RASEF: variants seen among roughly 807,000 people sequenced by gnomAD.
RASEF encodes RAS and EF-hand domain containing.
A neutral mutation model predicts 90.1 loss-of-function variants in RASEF; 68 were observed. The observed-to-expected ratio is 0.75, with a 90% CI of 0.62 to 0.92. The LOEUF is 0.92. Ranked by LOEUF, RASEF falls within the 40% of genes least tolerant of loss-of-function variation. The pLI is 0.00. For missense variants in RASEF, 949 were observed against 937.2 expected (o/e 1.01, Z -0.16); for synonymous variants, 331 against 345.2 (o/e 0.96, Z 0.46).
At chr9:83,135,876 C>T in the RASEF span, among the ~76,000 whole-genome samples, 1 of 152,086 alleles carries the variant, frequency 6.6e-6, no homozygotes, top group African/African-American at 2.4e-5. Context: ...TTAAAACTGC[C>T]TTCCCATTCT....
chr9:83,173,933 C>T, the RASEF span, among the ~76,000 whole-genome samples: 1 of 151,682 alleles, frequency 6.6e-6, no homozygotes, highest in Non-Finnish European at 1.5e-5. Context: ...GATAGTTGTT[C>T]AATTTGATGT....
At chr9:83,080,226 G>C in the RASEF span, among the ~76,000 whole-genome samples, 1 of 152,230 alleles carries the variant, frequency 6.6e-6, no homozygotes, top group Non-Finnish European at 1.5e-5. Flanking sequence ...CAGGAGGAAA[G>C]TGATAGAAAT....
chr9:83,182,142 C>T, the RASEF span, among the ~76,000 whole-genome samples: 1 of 152,186 alleles, frequency 6.6e-6, no homozygotes, highest in African/African-American at 2.4e-5. Context: ...AAACATTTGG[C>T]CTCATCTGCA....
At chr9:82,991,895 C>T (rs1396732891) in intron 15 of RASEF, among the ~76,000 whole-genome samples, 2 of 152,220 alleles carry the variant, frequency 1.3e-5, no homozygotes, top group African/African-American at 4.8e-5. Flanking sequence ...TAACATCTGT[C>T]TCCCTCAGAC....
At chr9:83,062,391 G>A (rs539851074) in intron 1 of RASEF, 46 bp downstream of exon 1, 4 of 1,591,590 alleles carry the variant, frequency 2.5e-6, no homozygotes, top group African/African-American at 2.7e-5. Context: ...GAAGAAGCAA[G>A]CAGGAAGCGC....
chr9:83,044,072 C>T (rs557214846), intron 1 of RASEF, among the ~76,000 whole-genome samples: 1 of 152,264 alleles, frequency 6.6e-6, no homozygotes, highest in South Asian at 2.1e-4. Context: ...TAACTTCCAA[C>T]TCGGGGACAA....
intron 2 of RASEF, among the ~76,000 whole-genome samples, chr9:83,022,746 A>AGGTTGGTGTACACCCAGC: frequency 1.3e-5 from 2 of 152,202 alleles, no homozygotes; most frequent in African/African-American, 4.8e-5. Flanking sequence ...GGTAAAGCCT[A>AGGTTGGTGTACACCCAGC]CTTCACACCT....
intron 1 of RASEF, among the ~76,000 whole-genome samples, chr9:83,037,656 T>C (rs1829767411): frequency 6.6e-6 from 1 of 152,076 alleles, no homozygotes; most frequent in African/African-American, 2.4e-5. Flanking sequence ...GCAATAGTCA[T>C]TTTCTCTCAT....
the RASEF span, among the ~76,000 whole-genome samples, chr9:83,170,782 T>C: frequency 6.6e-6 from 1 of 152,096 alleles, no homozygotes; most frequent in African/African-American, 2.4e-5. Context: ...AGCCTCCAAC[T>C]TTACTGGATT....
At chr9:83,015,622 G>A (rs1243263708) in intron 4 of RASEF, among the ~76,000 whole-genome samples, 183 bp downstream of exon 4, 1 of 152,242 alleles carries the variant, frequency 6.6e-6, no homozygotes, top group African/African-American at 2.4e-5. Context: ...GGAGGTTGCA[G>A]TGAGCCAAGA....
At chr9:83,017,159 C>G (rs1198275245) in intron 3 of RASEF, among the ~76,000 whole-genome samples, 2 of 151,948 alleles carry the variant, frequency 1.3e-5, no homozygotes, top group Non-Finnish European at 2.9e-5. Flanking sequence ...TCCACAGCCA[C>G]AAAACCAAAC....
At chr9:83,131,450 C>T in the RASEF span, among the ~76,000 whole-genome samples, 1 of 152,150 alleles carries the variant, frequency 6.6e-6, no homozygotes, top group South Asian at 2.1e-4. Context: ...GGATTTTCAA[C>T]ATATGAAAGC....
In RASEF at chr9:83,008,059, G is replaced by A. The variant is rs575793076; in HGVS notation, c.960-554C>T. On this transcript the variant is annotated intron_variant, in intron 6 of 16. Coordinates refer to ENST00000376447, the MANE Select transcript of RASEF (RefSeq NM_152573.4). The stretch of plus-strand genomic sequence containing the variant: ...CCAAAGAACCAGGCTTGCTAAGCTC[G>A]TGAGACACTCATTCTGTGGCAATCC... Among the ~76,000 whole-genome samples the A allele has an allele frequency of 3.3e-5, 5 of 151,828 alleles. 1 individual carries two copies. The highest frequency in any genetic ancestry group is 4.8e-5 in the African/African-American group (2 of 41,428).
the RASEF span, among the ~76,000 whole-genome samples, chr9:83,215,489 C>T: frequency 6.6e-6 from 1 of 152,204 alleles, no homozygotes; most frequent in South Asian, 2.1e-4. Context: ...TGGCTCCTGC[C>T]TGTCTGCGTG....
rs565702004 is a variant in RASEF at position 82,987,460 on chromosome 9, C to A, written c.2117+2931G>T. ...CTGAAATAACCTAGTTATCAAAATT[C>A]TTTTGCAAACCAGGTGTTTTAAGTA... On this transcript the variant is annotated intron_variant, in intron 16 of 16. Coordinates refer to ENST00000376447, the MANE Select transcript of RASEF (RefSeq NM_152573.4). 3.9e-5 allele frequency among the ~76,000 whole-genome samples: 6 copies of A among 152,250 alleles called. No individual in the cohort carries two copies. The South Asian group carries it at 1.2e-3, about 32-fold the overall frequency.
chr9:83,089,356 T>A, the RASEF span, among the ~76,000 whole-genome samples: 25 of 152,138 alleles, frequency 1.6e-4, no homozygotes, highest in African/African-American at 5.8e-4. Context: ...TATATTTACC[T>A]ATGTAGTTAC....
At chr9:83,011,286 G>A (rs1829237976) in intron 5 of RASEF, among the ~76,000 whole-genome samples, 1 of 152,122 alleles carries the variant, frequency 6.6e-6, no homozygotes, top group Admixed American at 6.5e-5. Flanking sequence ...CAGGTGCGGT[G>A]GCTCACGCCT....
At chr9:83,192,753 G>GAAA in the RASEF span, among the ~76,000 whole-genome samples, 2 of 118,420 alleles carry the variant, frequency 1.7e-5, no homozygotes. Flanking sequence ...ACCTTCACCA[G>GAAA]AAAAAAAAAA....
chr9:83,167,163 G>A, the RASEF span, among the ~76,000 whole-genome samples: 1 of 151,822 alleles, frequency 6.6e-6, no homozygotes, highest in Non-Finnish European at 1.5e-5. Flanking sequence ...AACAGTGCCT[G>A]ACACAAAATC....
Sources: gnomAD v4.1 joint callset for allele counts (sites outside exome capture counted in the v4.1 genomes callset) on GRCh38, gnomAD v4.1.1 for gene constraint, MANE v1.5 for transcripts, NCBI Gene and HGNC (gene_info 2026-07-23, HGNC 2026-07-21) for gene names.